TMEM114: variants seen among roughly 807,000 people sequenced by gnomAD.
The protein encoded by TMEM114 is transmembrane protein 114, also known as claudin-26.
Under a neutral mutation model 6.2 loss-of-function variants are expected in TMEM114, and 6 were observed. The ratio of observed to expected loss-of-function variants is 0.97; its 90% CI spans 0.53 to 1.91. The LOEUF (loss-of-function observed/expected upper bound fraction) is 1.91. Among genes scored for constraint, TMEM114 ranks in the 40% most tolerant of loss-of-function variants. The pLI is 0.01. For missense variants in TMEM114, 218 were observed against 158.3 expected (o/e 1.38, Z -2.02); for synonymous variants, 104 against 73.0 (o/e 1.42, Z -2.16).
intron 2 of TMEM114, among the ~76,000 whole-genome samples, chr16:8,541,978 C>T (rs1900527952): frequency 6.6e-6 from 1 of 152,150 alleles, no homozygotes; most frequent in Non-Finnish European, 1.5e-5. Context: ...AACTTTACCT[C>T]TAAGGGATCC....
rs115974741 is a variant in TMEM114, at chr16:8,557,937, C to T, written n.213-20111G>A. On this transcript the variant is annotated intron_variant and non_coding_transcript_variant, in intron 2 of 2. Coordinates refer to the TMEM114 transcript ENST00000623677. ...TTAAAACAACTGAAATGTATTCTCT[C>T]ACAATTCTGAAGGTCCAAATTTCAA... 6.3e-3 allele frequency among the ~76,000 whole-genome samples: 959 copies of T among 152,284 alleles called. 20 individuals carry two copies. The highest frequency in any genetic ancestry group is 0.022 in the African/African-American group (909 of 41,548).
intron 2 of TMEM114, among the ~76,000 whole-genome samples, chr16:8,539,385 C>T (rs1049490483): frequency 1.3e-5 from 2 of 152,164 alleles, no homozygotes; most frequent in Admixed American, 6.5e-5. Context: ...AGAATACTTG[C>T]CCCTGGCCCG....
At chr16:8,545,127 C>T (rs1167094767) in intron 2 of TMEM114, among the ~76,000 whole-genome samples, 2 of 152,108 alleles carry the variant, frequency 1.3e-5, no homozygotes, top group African/African-American at 2.4e-5. Flanking sequence ...TCTTCTTTCT[C>T]TTATGTTCTT....
At chr16:8,583,328 AG>A (rs1051472030) in intron 2 of TMEM114, among the ~76,000 whole-genome samples, 12 of 152,216 alleles carry the variant, frequency 7.9e-5, no homozygotes, top group African/African-American at 2.7e-4. Context: ...TGTGAATTAG[AG>A]CAGGAAGAGG....
At position 8,556,129 on chromosome 16, in the gene TMEM114, C is replaced by A. The variant is rs576735709; in HGVS notation, n.213-18303G>T. ...CTCTTCTTCCTGCATCCATCACTCA[C>A]CCAGTCCATCAATTCTACCTCGTAA... On this transcript the variant is annotated intron_variant and non_coding_transcript_variant, in intron 2 of 2. Transcript: ENST00000623677. Among the ~76,000 whole-genome samples the A allele has an allele frequency of 2.6e-5, 4 of 152,344 alleles. No individual in the cohort carries two copies. In the South Asian group the frequency reaches 8.3e-4, roughly 32 times the overall value.
intron 2 of TMEM114, among the ~76,000 whole-genome samples, chr16:8,579,580 A>C (rs1056986067): frequency 6.6e-6 from 1 of 152,116 alleles, no homozygotes; most frequent in East Asian, 1.9e-4. Flanking sequence ...CGTGGGTTCA[A>C]ATCCTGACTC....
At chr16:8,553,601 T>A (rs1170208832) in intron 2 of TMEM114, among the ~76,000 whole-genome samples, 1 of 152,144 alleles carries the variant, frequency 6.6e-6, no homozygotes, top group African/African-American at 2.4e-5. Flanking sequence ...TTCTCCTGCC[T>A]CAGCCTCCCA....
At chr16:8,528,258 ACACACG>A in the TMEM114 span, among the ~76,000 whole-genome samples, 3 of 152,104 alleles carry the variant, frequency 2.0e-5, no homozygotes, top group African/African-American at 4.8e-5. Context: ...ACACACACAC[ACACACG>A]CACACACTCT....
intron 2 of TMEM114, among the ~76,000 whole-genome samples, chr16:8,557,492 C>T (rs77346375): frequency 0.01 from 1,590 of 152,308 alleles, 36 homozygotes; most frequent in African/African-American, 0.035. Flanking sequence ...AAACCACAAT[C>T]GCCCAGCTGA....
At chr16:8,529,606 C>A in the TMEM114 span, among the ~76,000 whole-genome samples, 1 of 152,058 alleles carries the variant, frequency 6.6e-6, no homozygotes. Flanking sequence ...GCAGAGGCAC[C>A]CAGGAACCTA....
intron 2 of TMEM114, among the ~76,000 whole-genome samples, chr16:8,552,878 C>T (rs1900889320): frequency 6.6e-6 from 1 of 152,142 alleles, no homozygotes; most frequent in Non-Finnish European, 1.5e-5. Context: ...CTCCCAGGGC[C>T]CACCGAGCTG....
chr16:8,581,346 G>C (rs1325355499), intron 2 of TMEM114, among the ~76,000 whole-genome samples: 5 of 152,064 alleles, frequency 3.3e-5, no homozygotes, highest in Non-Finnish European at 7.4e-5. Flanking sequence ...TAAATGTCTA[G>C]CCATCTCTCC....
chr16:8,565,934 A>G (rs910092972), downstream of TMEM114, among the ~76,000 whole-genome samples: 4 of 152,116 alleles, frequency 2.6e-5, no homozygotes, highest in Non-Finnish European at 5.9e-5. Flanking sequence ...AAGGCATATC[A>G]CTCTCAAGAG....
At chr16:8,530,467 A>G in the TMEM114 span, among the ~76,000 whole-genome samples, 1 of 152,154 alleles carries the variant, frequency 6.6e-6, no homozygotes, top group Non-Finnish European at 1.5e-5. Flanking sequence ...CTAGACTGGG[A>G]AGCATAGGAG....
chr16:8,565,037 GTGAGTGAATGAGTGAGTGAGTGAGTGAA>G (rs1945863445), downstream of TMEM114, among the ~76,000 whole-genome samples: 1 of 149,096 alleles, frequency 6.7e-6, no homozygotes, highest in East Asian at 2.0e-4. Context: ...GAGTGAATGA[GTGAGTGAATGAGTGAGTGAGTGAGTGAA>G]TGAGTGAGTG....
chr16:8,541,292 C>T (rs6501157), intron 2 of TMEM114, among the ~76,000 whole-genome samples: 127,354 of 152,178 alleles, frequency 0.84, 53,637 homozygotes, highest in African/African-American at 0.93. Context: ...CCTCACAGTC[C>T]TGGACTCAGA....
intron 2 of TMEM114, among the ~76,000 whole-genome samples, chr16:8,547,016 G>A (rs976573720): frequency 4.6e-5 from 7 of 152,206 alleles, no homozygotes; most frequent in African/African-American, 7.2e-5. Flanking sequence ...TAAAATACTT[G>A]TATGTACAAG....
downstream of TMEM114, among the ~76,000 whole-genome samples, chr16:8,536,988 T>A (rs1900379703): frequency 6.6e-6 from 1 of 151,542 alleles, no homozygotes; most frequent in Non-Finnish European, 1.5e-5. Flanking sequence ...GGAGGATCAT[T>A]TGAGCCCAGG....
At chr16:8,534,275 C>A (rs761314067), downstream of TMEM114, among the ~76,000 whole-genome samples, 6 of 151,648 alleles carry the variant, frequency 4.0e-5, no homozygotes, top group Non-Finnish European at 7.4e-5. Context: ...CAAAGGCGAC[C>A]GGAGGACTCG....
Sources: gnomAD v4.1 joint callset for allele counts (sites outside exome capture counted in the v4.1 genomes callset) on GRCh38, gnomAD v4.1.1 for gene constraint, MANE v1.5 for transcripts, NCBI Gene and HGNC (gene_info 2026-07-23, HGNC 2026-07-21) for gene names.